ANO10: variants seen among roughly 807,000 people sequenced by gnomAD.
The protein encoded by ANO10 is anoctamin-10.
In ANO10, 77 loss-of-function variants were observed where a neutral mutation model predicts 74.7. The ratio of observed to expected loss-of-function variants is 1.03; its 90% CI spans 0.86 to 1.25. The LOEUF is 1.25. Ranked by LOEUF, ANO10 falls within the 50% of genes most tolerant of loss-of-function variation. ANO10 has a pLI of 0.00. For missense variants in ANO10, 721 were observed against 778.1 expected (o/e 0.93, Z 0.87); for synonymous variants, 279 against 284.9 (o/e 0.98, Z 0.21).
At chr3:43,660,440 C>T (rs908365304) in intron 1 of ANO10, among the ~76,000 whole-genome samples, 2 of 151,940 alleles carry the variant, frequency 1.3e-5, no homozygotes, top group African/African-American at 4.8e-5. Flanking sequence ...ACTAGAACTT[C>T]GTGAAGCATA....
intron 1 of ANO10, among the ~76,000 whole-genome samples, chr3:43,609,631 C>G (rs529628770): frequency 6.6e-6 from 1 of 152,270 alleles, no homozygotes; most frequent in African/African-American, 2.4e-5. Context: ...TCATACAAAC[C>G]TAGATGGCAT....
intron 11 of ANO10, among the ~76,000 whole-genome samples, chr3:43,531,900 CA>C (rs397952583): frequency 9.3e-4 from 114 of 122,608 alleles, no homozygotes; most frequent in Non-Finnish European, 1.1e-3. Flanking sequence ...GACCCTGTCT[CA>C]AAAAAAAAAA....
intron 1 of ANO10, among the ~76,000 whole-genome samples, chr3:43,606,576 T>C (rs1166275074): frequency 1.3e-5 from 2 of 150,668 alleles, no homozygotes; most frequent in African/African-American, 2.5e-5. Flanking sequence ...GTCTGAACAA[T>C]GACAATGAAG....
At chr3:43,530,435 ATATAT>A (rs2078409378) in intron 11 of ANO10, among the ~76,000 whole-genome samples, 1 of 148,894 alleles carries the variant, frequency 6.7e-6, no homozygotes, top group Admixed American at 6.7e-5. Flanking sequence ...CCTATATATT[ATATAT>A]ATTTTATATA....
chr3:43,613,081 T>C (rs900642605), intron 1 of ANO10, among the ~76,000 whole-genome samples: 1 of 151,986 alleles, frequency 6.6e-6, no homozygotes, highest in African/African-American at 2.4e-5. Flanking sequence ...AGCAAGAGAA[T>C]TGCTTGAACC....
At chr3:43,493,603 TAAGGTTAAAAAAACATA>T (rs1346361959) in intron 11 of ANO10, among the ~76,000 whole-genome samples, 4 of 151,984 alleles carry the variant, frequency 2.6e-5, no homozygotes, top group Admixed American at 6.6e-5. Context: ...AAAAATAATT[TAAGGTTAAAAAAACATA>T]AAGGTTAAAA....
At chr3:43,499,457 G>A (rs1416836468) in intron 11 of ANO10, among the ~76,000 whole-genome samples, 1 of 152,060 alleles carries the variant, frequency 6.6e-6, no homozygotes, top group African/African-American at 2.4e-5. Context: ...TAGGAAGTAG[G>A]CTGACAGGAG....
intron 1 of ANO10, among the ~76,000 whole-genome samples, chr3:43,683,063 G>A (rs1406206388): frequency 1.3e-5 from 2 of 152,138 alleles, no homozygotes; most frequent in African/African-American, 4.8e-5. Context: ...TCAACACAGT[G>A]TTGGAAGTTC....
chr3:43,577,483 G>A (rs545238405), intron 5 of ANO10, among the ~76,000 whole-genome samples: 2 of 152,240 alleles, frequency 1.3e-5, no homozygotes, highest in African/African-American at 4.8e-5. Context: ...GCCTTAGCTG[G>A]GGGGTGTGCT....
chr3:43,566,316 A>G (rs2080339746), intron 7 of ANO10, among the ~76,000 whole-genome samples: 1 of 152,216 alleles, frequency 6.6e-6, no homozygotes, highest in Non-Finnish European at 1.5e-5. Context: ...GGGAAGCTCG[A>G]ACTGGGTGGA....
intron 12 of ANO10, among the ~76,000 whole-genome samples, chr3:43,423,451 C>A (rs577933947): frequency 6.6e-6 from 1 of 152,180 alleles, no homozygotes; most frequent in Non-Finnish European, 1.5e-5. Flanking sequence ...ACCTGGCCCT[C>A]GGGGACCTCG....
chr3:43,371,433 A>G (rs1050412920), intron 12 of ANO10, among the ~76,000 whole-genome samples: 8 of 152,088 alleles, frequency 5.3e-5, no homozygotes, highest in African/African-American at 9.7e-5. Flanking sequence ...CCTGAGATGG[A>G]GCATCATGAT....
intron 11 of ANO10, among the ~76,000 whole-genome samples, chr3:43,466,383 A>AAAAC (rs1231755941): frequency 0.038 from 2,866 of 76,320 alleles, 81 homozygotes; most frequent in African/African-American, 0.079. Context: ...AAAAAAAAAA[A>AAAAC]AAAACAAACA....
At chr3:43,495,227 A>C (rs1342746722) in intron 11 of ANO10, among the ~76,000 whole-genome samples, 1 of 152,130 alleles carries the variant, frequency 6.6e-6, no homozygotes, top group Non-Finnish European at 1.5e-5. Flanking sequence ...TAATTTTAAA[A>C]AAACAAAAAT....
chr3:43,523,167 G>A (rs534221089), intron 11 of ANO10, among the ~76,000 whole-genome samples: 9 of 152,306 alleles, frequency 5.9e-5, no homozygotes, highest in Non-Finnish European at 5.9e-5. Context: ...CTTAAGCTAA[G>A]TATGCCTGAA....
chr3:43,541,891 G>A (rs1211935359), intron 11 of ANO10, among the ~76,000 whole-genome samples: 1 of 152,228 alleles, frequency 6.6e-6, no homozygotes, highest in Non-Finnish European at 1.5e-5. Context: ...GAAGCCAGGG[G>A]AAGTGAAGGG....
At chr3:43,584,147 G>C (rs982275713) in intron 4 of ANO10, among the ~76,000 whole-genome samples, 8 of 152,282 alleles carry the variant, frequency 5.3e-5, no homozygotes, top group Admixed American at 1.3e-4. Flanking sequence ...GAAATGAATG[G>C]CTGTCAAGAT....
intron 1 of ANO10, among the ~76,000 whole-genome samples, chr3:43,684,553 C>G (rs867738954): frequency 2.0e-4 from 30 of 152,124 alleles, no homozygotes; most frequent in Middle Eastern, 3.2e-3. Context: ...AGTAGAAATA[C>G]CATTTGACCC....
At chr3:43,377,010 A>G (rs556138355) in intron 12 of ANO10, among the ~76,000 whole-genome samples, 67 of 152,352 alleles carry the variant, frequency 4.4e-4, no homozygotes, top group Middle Eastern at 3.4e-3. Flanking sequence ...TAGATGACCA[A>G]GAGCATCTGG....
Sources: gnomAD v4.1 joint callset for allele counts (sites outside exome capture counted in the v4.1 genomes callset) on GRCh38, gnomAD v4.1.1 for gene constraint, MANE v1.5 for transcripts, NCBI Gene and HGNC (gene_info 2026-07-23, HGNC 2026-07-21) for gene names.